Variants in CSMD1 observed in about 807,000 individuals in gnomAD.
CSMD1 encodes CUB and sushi domain-containing protein 1.
In CSMD1, 213 loss-of-function variants were observed where a neutral mutation model predicts 417.5. The ratio of observed to expected loss-of-function variants is 0.51; its 90% CI spans 0.46 to 0.57. The LOEUF is 0.57. Ranked by LOEUF, CSMD1 falls within the 20% of genes least tolerant of loss-of-function variation. The pLI is 0.00. For synonymous variants in CSMD1, 2,862 were observed against 1,736.8 expected (o/e 1.65, Z -16.11); for missense variants, 6,923 against 4,529.7 (o/e 1.53, Z -15.17).
intron 1 of CSMD1, among the ~76,000 whole-genome samples, chr8:4,764,145 T>G (rs1357205072): frequency 6.6e-6 from 1 of 152,224 alleles, no homozygotes; most frequent in East Asian, 1.9e-4. Context: ...ATTCTTGTTT[T>G]TCTTGCTTTC....
chr8:4,049,678 T>A (rs992337025), intron 3 of CSMD1, among the ~76,000 whole-genome samples: 7 of 152,196 alleles, frequency 4.6e-5, no homozygotes, highest in African/African-American at 7.2e-5. Context: ...GGTATAGATA[T>A]TTTTATGAAT....
intron 39 of CSMD1, among the ~76,000 whole-genome samples, chr8:3,155,637 G>A (rs941502118): frequency 6.6e-6 from 1 of 151,486 alleles, no homozygotes; most frequent in Non-Finnish European, 1.5e-5. Flanking sequence ...AAAGTGCTGG[G>A]ATTACAGGCG....
intron 2 of CSMD1, among the ~76,000 whole-genome samples, chr8:4,589,336 T>C (rs553269420): frequency 2.0e-4 from 30 of 152,330 alleles, no homozygotes; most frequent in African/African-American, 5.8e-4. Flanking sequence ...ATGTTTTTTC[T>C]GCCTAATTCA....
At chr8:3,096,438 T>C (rs1045380410) in intron 47 of CSMD1, among the ~76,000 whole-genome samples, 1 of 152,012 alleles carries the variant, frequency 6.6e-6, no homozygotes, top group African/African-American at 2.4e-5. Flanking sequence ...CCTGCACAAG[T>C]TCTCTCTCAT....
At chr8:3,620,657 G>A (rs1318740028) in intron 7 of CSMD1, among the ~76,000 whole-genome samples, 1 of 151,812 alleles carries the variant, frequency 6.6e-6, no homozygotes, top group Non-Finnish European at 1.5e-5. Flanking sequence ...AGTATCTATA[G>A]AATATGTAAA....
chr8:4,152,641 G>T (rs892030667), intron 3 of CSMD1, among the ~76,000 whole-genome samples: 58 of 151,914 alleles, frequency 3.8e-4, no homozygotes, highest in Non-Finnish European at 6.8e-4. Context: ...AATGAGTCAC[G>T]ATTGTGCCAG....
chr8:4,566,607 C>T lies in CSMD1; in HGVS notation c.302+70735G>A, dbSNP rs1453555201. Among the ~76,000 whole-genome samples the T allele has an allele frequency of 4.6e-5, 6 of 129,294 alleles. No individual in the cohort carries two copies. The East Asian group carries it at 1.2e-3, about 26-fold the overall frequency. 84.8% of individuals were successfully genotyped at this position (129,294 alleles called of 152,430 possible). ...GGTGGAGCTTGCAGTGAGCTGAGAT[C>T]GCACCACTGCACTCCAGCCTGGGTG... On this transcript the variant is annotated intron_variant, in intron 2 of 69. Transcript: ENST00000635120.
intron 6 of CSMD1, among the ~76,000 whole-genome samples, chr8:3,752,641 A>C (rs1482451675): frequency 3.5e-5 from 5 of 144,422 alleles, no homozygotes; most frequent in Non-Finnish European, 7.5e-5. Context: ...ACAACAGAGC[A>C]AGACTCTGTC....
At chr8:3,927,898 C>A (rs576776350) in intron 5 of CSMD1, among the ~76,000 whole-genome samples, 242 of 152,020 alleles carry the variant, frequency 1.6e-3, no homozygotes, top group African/African-American at 5.6e-3. Flanking sequence ...TCGAAGGTTA[C>A]CTAAAAAATC....
At chr8:3,648,678 C>T (rs1360391069) in intron 7 of CSMD1, among the ~76,000 whole-genome samples, 1 of 152,126 alleles carries the variant, frequency 6.6e-6, no homozygotes, top group African/African-American at 2.4e-5. Flanking sequence ...ACGGCTATAC[C>T]AAATCCTATA....
At chr8:3,715,366 C>A (rs1476956360) in intron 6 of CSMD1, among the ~76,000 whole-genome samples, 4 of 152,252 alleles carry the variant, frequency 2.6e-5, no homozygotes, top group African/African-American at 9.6e-5. Context: ...ATTTCACAGT[C>A]TAAAACCTGA....
chr8:3,308,241 G>T, intron 24 of CSMD1, 71 bp downstream of exon 24: 1 of 1,183,698 alleles, frequency 8.4e-7, no homozygotes, highest in Non-Finnish European at 1.2e-6. Context: ...AATAAAGGAA[G>T]TCAATGCAAC....
chr8:3,031,001 C>G (rs917572216), intron 50 of CSMD1, among the ~76,000 whole-genome samples: 48 of 151,840 alleles, frequency 3.2e-4, no homozygotes, highest in African/African-American at 1.2e-3. Context: ...TTCTTTCTCT[C>G]AAGTATTTTT....
At chr8:4,345,826 C>T (rs1389310725) in intron 3 of CSMD1, among the ~76,000 whole-genome samples, 1 of 152,072 alleles carries the variant, frequency 6.6e-6, no homozygotes, top group African/African-American at 2.4e-5. Flanking sequence ...GGAGGTCATC[C>T]CGAGCAGCGA....
At chr8:3,454,279 G>A (rs957471841) in intron 12 of CSMD1, among the ~76,000 whole-genome samples, 3 of 152,158 alleles carry the variant, frequency 2.0e-5, no homozygotes, top group Middle Eastern at 3.2e-3. Context: ...TTGCCAGTCT[G>A]TGTCTTTTAA....
chr8:4,156,817 G>C (rs1243913394), intron 3 of CSMD1, among the ~76,000 whole-genome samples: 1 of 152,112 alleles, frequency 6.6e-6, no homozygotes, highest in Non-Finnish European at 1.5e-5. Flanking sequence ...GCAGCGAGCA[G>C]CAAGTACTAT....
intron 1 of CSMD1, among the ~76,000 whole-genome samples, chr8:4,651,591 C>G (rs755236551): frequency 1.3e-5 from 2 of 152,164 alleles, no homozygotes; most frequent in Non-Finnish European, 2.9e-5. Flanking sequence ...TAATATCCAG[C>G]TGTAAAATGA....
At chr8:4,203,071 G>A (rs571153799) in intron 3 of CSMD1, among the ~76,000 whole-genome samples, 1 of 152,224 alleles carries the variant, frequency 6.6e-6, no homozygotes, top group Non-Finnish European at 1.5e-5. Context: ...AGGATTTTGA[G>A]CAAGTGAGAT....
intron 3 of CSMD1, among the ~76,000 whole-genome samples, chr8:4,328,503 C>A (rs1256336179): frequency 6.6e-6 from 1 of 151,986 alleles, no homozygotes; most frequent in Non-Finnish European, 1.5e-5. Flanking sequence ...AATACTCCTC[C>A]TGCTTTTTTG....
Sources: allele counts gnomAD v4.1 joint callset (sites outside exome capture counted in the v4.1 genomes callset), GRCh38; gene constraint gnomAD v4.1.1; transcripts MANE v1.5; gene names NCBI Gene and HGNC (gene_info 2026-07-23, HGNC 2026-07-21).